Variants in RPRD2 observed in about 807,000 individuals in gnomAD.
RPRD2 encodes regulation of nuclear pre-mRNA domain containing 2, also known as regulation of nuclear pre-mRNA domain-containing protein 2.
In RPRD2, 12 loss-of-function variants were observed where a neutral mutation model predicts 104.4. The ratio of observed to expected loss-of-function variants is 0.11; its 90% CI spans 0.07 to 0.19. The LOEUF is 0.19. Among genes scored for constraint, RPRD2 ranks in the 10% least tolerant of loss-of-function variants. The pLI, the probability that RPRD2 is intolerant of heterozygous loss-of-function variation, is 1.00. For synonymous variants in RPRD2, 714 were observed against 684.9 expected, an observed-to-expected ratio of 1.04 and a Z score of -0.66; for missense variants, 1,543 against 1,790.1, an observed-to-expected ratio of 0.86 and a Z score of 2.49.
Position 150,473,680 on chromosome 1 carries a change from C to T in RPRD2, c.*346C>T, listed in dbSNP as rs1292169441. 5.8e-6 allele frequency: 1 copy of T among 173,680 alleles called. No individual in the cohort carries two copies. Among genetic ancestry groups the T allele is most frequent in the Admixed American group, 6.0e-5 (1 of 16,794 alleles). The allele number at this position is 173,680 out of a possible 1,614,324, so 10.8% of individuals were successfully genotyped here. ...CCCCATCTATTGAAGAGTATTATTA[C>T]ATTTGAAATAAAACTTCCATCAGTA... On this transcript the variant is annotated 3_prime_UTR_variant, in exon 11 of 11. Transcript: ENST00000369068.
At chr1:150,433,087 A>G (rs1665717132) in intron 2 of RPRD2, among the ~76,000 whole-genome samples, 1 of 152,102 alleles carries the variant, frequency 6.6e-6, no homozygotes, top group Admixed American at 6.6e-5. Context: ...TCATTATTAC[A>G]CACTATATCA....
chr1:150,472,436 A>G lies in RPRD2; in HGVS notation c.3488A>G (p.Lys1163Arg). The part of the protein sequence containing the change: ...GGGSGGLTGF[K>R]TAPYKERAPQ... ...GGCAGCGGAGGCCTCACTGGCTTTA[A>G]AACAGCACCATACAAGGAACGGGCA... The change falls in exon 11 of 11, where the codon AAA becomes AGA. Residue 1163 changes from lysine to arginine, a missense_variant. Around this residue, in one of 4 missense-constraint regions of RPRD2, gnomAD observed 880 missense variants for 885.6 expected, o/e 0.99. Transcript: ENST00000369068. 6.2e-7 allele frequency: 1 copy of G among 1,613,922 alleles called. No individual in the cohort carries two copies.
chr1:150,386,730 A>T (rs1350881862), intron 1 of RPRD2, among the ~76,000 whole-genome samples: 3 of 152,170 alleles, frequency 2.0e-5, no homozygotes, highest in Admixed American at 6.6e-5. Flanking sequence ...TTACTGACAT[A>T]TGCAATTTTC....
rs1429632371 is a variant in RPRD2 at position 150,471,114 on chromosome 1, A to T, written c.2166A>T (p.Gly722=). 1 of 1,614,016 alleles carries T rather than the reference A, an allele frequency of 6.2e-7. No individual in the cohort carries two copies. Among genetic ancestry groups the T allele is most frequent in the Admixed American group, 1.7e-5 (1 of 60,020 alleles). The change falls in exon 11 of 11, where the codon GGA becomes GGT. Residue 722 remains glycine, a synonymous_variant. Transcript: ENST00000369068. The surrounding 1 kb of genome is among the most constrained non-coding windows in gnomAD (Gnocchi z 5.3). Reference sequence around the variant, plus strand: ...GCACCTCAATCGACAACATTGATGGAACCCCTGTACGGGATGAACGGAGTG... The same window carrying T: ...GCACCTCAATCGACAACATTGATGGTACCCCTGTACGGGATGAACGGAGTG... The part of the protein sequence containing the change: ...PTSTSIDNID[G]TPVRDERSGT...
At chr1:150,390,500 A>T (rs994753403) in intron 1 of RPRD2, among the ~76,000 whole-genome samples, 25 of 152,064 alleles carry the variant, frequency 1.6e-4, no homozygotes, top group Non-Finnish European at 2.5e-4. Context: ...TCCGTCTCAA[A>T]AAATAAATAA....
At chr1:150,406,901 G>A (rs1247460736) in intron 1 of RPRD2, among the ~76,000 whole-genome samples, 1 of 151,852 alleles carries the variant, frequency 6.6e-6, no homozygotes, top group Admixed American at 6.6e-5. Context: ...TTTAGTAAGA[G>A]ACAGGGTTTC....
intron 1 of RPRD2, among the ~76,000 whole-genome samples, chr1:150,402,498 T>C (rs1163386281): frequency 4.0e-5 from 6 of 150,756 alleles, no homozygotes; most frequent in African/African-American, 1.5e-4. Context: ...GGCAACATAG[T>C]GAGACCTTCT....
intron 1 of RPRD2, among the ~76,000 whole-genome samples, chr1:150,372,681 C>CT (rs1190795861): frequency 6.6e-6 from 1 of 152,016 alleles, no homozygotes; most frequent in African/African-American, 2.4e-5. Context: ...GAAGGCCTCA[C>CT]TGAGAAGGTG....
At chr1:150,379,234 G>T (rs1451001762) in intron 1 of RPRD2, among the ~76,000 whole-genome samples, 1 of 150,854 alleles carries the variant, frequency 6.6e-6, no homozygotes, top group Admixed American at 6.6e-5. Flanking sequence ...AGTGAGCCCA[G>T]ATCACGCCGT....
Position 150,472,620 on chromosome 1 carries a change from T to G in RPRD2, c.3672T>G (p.Gly1224=). 1 of 1,613,926 alleles carries G rather than the reference T, an allele frequency of 6.2e-7. No individual in the cohort carries two copies. The highest frequency in any genetic ancestry group is 1.7e-5 in the Admixed American group (1 of 60,020). The change falls in exon 11 of 11, where the codon GGT becomes GGG. Residue 1224 remains glycine, a synonymous_variant. Transcript: ENST00000369068. ...CACCTGTCCCTCCTAAGGATCATGG[T>G]GGTATCTTCTCTCGAGATGCACCCA... is the stretch of plus-strand genomic sequence containing the variant. ...SAPPVPPKDH[G]GIFSRDAPTH...
At chr1:150,449,690 G>A (rs1036068177) in intron 7 of RPRD2, among the ~76,000 whole-genome samples, 5 of 152,094 alleles carry the variant, frequency 3.3e-5, no homozygotes, top group African/African-American at 1.2e-4. Context: ...GATTACCTCT[G>A]TAGAAATCCT....
intron 1 of RPRD2, among the ~76,000 whole-genome samples, chr1:150,383,610 C>T (rs1661323461): frequency 6.6e-6 from 1 of 152,040 alleles, no homozygotes; most frequent in South Asian, 2.1e-4. Context: ...AGCCACCGTG[C>T]CCAGCCAAAG....
intron 1 of RPRD2, among the ~76,000 whole-genome samples, chr1:150,402,264 T>C (rs1261811040): frequency 1.3e-5 from 2 of 152,176 alleles, no homozygotes; most frequent in Non-Finnish European, 2.9e-5. Flanking sequence ...ATGGAAACAT[T>C]GGCAATTGTA....
intron 2 of RPRD2, among the ~76,000 whole-genome samples, chr1:150,429,233 C>T (rs1553891136): frequency 6.6e-6 from 1 of 152,002 alleles, no homozygotes; most frequent in Non-Finnish European, 1.5e-5. Flanking sequence ...GCTGGGATTA[C>T]AGGCATGCGC....
intron 1 of RPRD2, among the ~76,000 whole-genome samples, chr1:150,384,889 C>T (rs370624426): frequency 2.8e-4 from 43 of 152,002 alleles, no homozygotes; most frequent in Non-Finnish European, 4.1e-4. Flanking sequence ...GTGGTGGTGG[C>T]GTGTGAAGTC....
intron 2 of RPRD2, among the ~76,000 whole-genome samples, chr1:150,428,945 G>A (rs782490560): frequency 5.9e-4 from 90 of 151,904 alleles, no homozygotes; most frequent in Admixed American, 1.0e-3. Context: ...ATTCTATAAG[G>A]TCGCTGTTGA....
At chr1:150,389,806 C>A (rs1227009009) in intron 1 of RPRD2, among the ~76,000 whole-genome samples, 1 of 152,164 alleles carries the variant, frequency 6.6e-6, no homozygotes, top group Non-Finnish European at 1.5e-5. Context: ...AGGGTCTGTT[C>A]ATTCACAGAA....
chr1:150,430,645 T>G (rs1456025745), intron 2 of RPRD2, among the ~76,000 whole-genome samples: 6 of 152,030 alleles, frequency 3.9e-5, no homozygotes, highest in Non-Finnish European at 7.4e-5. Flanking sequence ...GATAACACTG[T>G]CTGGCTGGGC....
In RPRD2 at chr1:150,471,228, T is replaced by C. The variant is rs1346455923; in HGVS notation, c.2280T>C (p.Gly760=). The C allele has an allele frequency of 1.2e-6, 2 of 1,613,652 alleles. No homozygotes were observed. The highest frequency in any genetic ancestry group is 3.3e-4 in the Middle Eastern group (2 of 6,062). The change falls in exon 11 of 11, where the codon GGT becomes GGC. Residue 760 remains glycine (G), a synonymous_variant. Coordinates refer to ENST00000369068, the MANE Select transcript of RPRD2 (RefSeq NM_015203.5). This position sits in a 1 kb window ranked among gnomAD's most constrained non-coding sequence, Gnocchi z 5.3. The stretch of plus-strand genomic sequence containing the variant: ...TGCTTTCTAAGATCATTAGCCCTGG[T>C]TCCTCAACACCCAGCAGTACAAGAT... The part of the protein sequence containing the change: ...MSLLSKIISP[G]SSTPSSTRSP...
Sources: allele counts gnomAD v4.1 joint callset (sites outside exome capture counted in the v4.1 genomes callset), GRCh38; gene constraint gnomAD v4.1.1; regional missense constraint gnomAD v4.1.1; non-coding constraint Gnocchi (gnomAD v3.1); transcripts MANE v1.5; gene names NCBI Gene and HGNC (gene_info 2026-07-23, HGNC 2026-07-21).